AFF3: variants seen among roughly 807,000 people sequenced by gnomAD.
The protein encoded by AFF3 is ALF transcription elongation factor 3, also known as AF4/FMR2 family member 3.
In AFF3, 32 loss-of-function variants were observed where a neutral mutation model predicts 129.7. That is an observed-to-expected ratio of 0.25 (90% CI 0.19 to 0.33). The LOEUF (loss-of-function observed/expected upper bound fraction) is 0.33. Ranked by LOEUF, AFF3 falls within the 10% of genes least tolerant of loss-of-function variation. AFF3 has a pLI of 1.00. For synonymous variants in AFF3, 644 were observed against 635.4 expected, an observed-to-expected ratio of 1.01 and a Z score of -0.20; for missense variants, 1,373 against 1,592.0, an observed-to-expected ratio of 0.86 and a Z score of 2.34.
chr2:99,994,097 C>T (rs1261258864), intron 7 of AFF3, among the ~76,000 whole-genome samples: 3 of 151,474 alleles, frequency 2.0e-5, no homozygotes, highest in Non-Finnish European at 4.4e-5. Flanking sequence ...TGAGCCACTG[C>T]TCCCAGCCAA....
At chr2:99,552,524 A>G (rs1674504290) in intron 24 of AFF3, among the ~76,000 whole-genome samples, 1 of 152,208 alleles carries the variant, frequency 6.6e-6, no homozygotes, top group Admixed American at 6.5e-5. Context: ...AGGAAAACAC[A>G]TTCATATGGC....
rs1674307327 is a variant in AFF3 at position 99,550,166 on chromosome 2, A to T, written c.*1308T>A. ...ACAAAAACTGTAAACAAGATGTCAA[A>T]GAAACTAAAATGTAAACTTAATTAA... On this transcript the variant is annotated 3_prime_UTR_variant, in exon 25 of 25. Coordinates refer to ENST00000672756, the MANE Select transcript of AFF3 (RefSeq NM_001386135.1). The T allele has an allele frequency of 4.4e-6, 1 of 229,346 alleles. No homozygotes were observed. The highest frequency in any genetic ancestry group is 1.8e-4 in the South Asian group (1 of 5,482). The allele number at this position is 229,346 out of a possible 1,614,324, so 14.2% of individuals were successfully genotyped here.
At chr2:99,838,860 C>T (rs564194074) in intron 7 of AFF3, among the ~76,000 whole-genome samples, 1 of 152,358 alleles carries the variant, frequency 6.6e-6, no homozygotes, top group African/African-American at 2.4e-5. Flanking sequence ...TTCCATCACA[C>T]TCTCCATGCC....
chr2:100,142,041 A>G (rs563922659), intron 1 of AFF3, among the ~76,000 whole-genome samples: 2 of 152,150 alleles, frequency 1.3e-5, no homozygotes, highest in Non-Finnish European at 2.9e-5. Flanking sequence ...CACTGGGGCC[A>G]TTGACTGGGA....
At chr2:99,950,408 G>A (rs924942745) in intron 7 of AFF3, among the ~76,000 whole-genome samples, 39 of 152,150 alleles carry the variant, frequency 2.6e-4, no homozygotes, top group African/African-American at 9.2e-4. Context: ...TCTAGGAGAG[G>A]AAGAATAAAA....
chr2:99,665,639 T>C (rs1686608490), intron 12 of AFF3, among the ~76,000 whole-genome samples: 1 of 152,228 alleles, frequency 6.6e-6, no homozygotes, highest in Non-Finnish European at 1.5e-5. Context: ...AAGAGAGTTC[T>C]GAGCTGGGGA....
At chr2:99,668,242 G>C (rs1015348982) in intron 12 of AFF3, among the ~76,000 whole-genome samples, 1 of 151,936 alleles carries the variant, frequency 6.6e-6, no homozygotes, top group African/African-American at 2.4e-5. Flanking sequence ...CTTGATCATA[G>C]CTCACGGCAA....
chr2:99,867,361 G>C (rs1032093086), intron 7 of AFF3, among the ~76,000 whole-genome samples: 1 of 152,104 alleles, frequency 6.6e-6, no homozygotes, highest in East Asian at 1.9e-4. Flanking sequence ...CAGTGGGTTT[G>C]AGATAAGGCG....
chr2:99,740,342 T>A (rs1262378338), intron 10 of AFF3, among the ~76,000 whole-genome samples: 3 of 151,584 alleles, frequency 2.0e-5, no homozygotes, highest in East Asian at 1.9e-4. Context: ...ATGGGATGGC[T>A]GCGTCAAATG....
At chr2:99,854,517 T>C (rs975239891) in intron 7 of AFF3, among the ~76,000 whole-genome samples, 8 of 152,230 alleles carry the variant, frequency 5.3e-5, no homozygotes, top group African/African-American at 1.2e-4. Flanking sequence ...ATCAGTGTGA[T>C]AAGCAGTTGT....
intron 7 of AFF3, among the ~76,000 whole-genome samples, chr2:99,868,894 G>C (rs1691644300): frequency 6.6e-6 from 1 of 152,164 alleles, no homozygotes; most frequent in South Asian, 2.1e-4. Context: ...GTGGGCTCAA[G>C]CGATCCTCTG....
Position 99,565,573 on chromosome 2 carries a change from A to G in AFF3, c.3033T>C (p.Phe1011=). The change falls in exon 20 of 25, where the codon TTT becomes TTC. Residue 1011 remains phenylalanine (F), a synonymous_variant. Coordinates refer to ENST00000672756, the MANE Select transcript of AFF3 (RefSeq NM_001386135.1). ...GTTCCATTGCATTTCCACACTCGAT[A>G]AACGACAATGCTGCTTCAGCATAGT... is the stretch of plus-strand genomic sequence containing the variant. ...ALNYAEAALS[F]IECGNAMEQG... 1 of 1,614,238 alleles carries G rather than the reference A, an allele frequency of 6.2e-7. No homozygotes were observed. Among genetic ancestry groups the G allele is most frequent in the Non-Finnish European group, 8.5e-7 (1 of 1,180,040 alleles).
At chr2:99,615,103 G>A (rs916764238) in intron 13 of AFF3, among the ~76,000 whole-genome samples, 16 of 152,230 alleles carry the variant, frequency 1.1e-4, no homozygotes, top group African/African-American at 3.9e-4. Context: ...TTTGAATGGG[G>A]CAGAGCCCTC....
intron 24 of AFF3, among the ~76,000 whole-genome samples, chr2:99,552,259 G>A (rs982473356): frequency 6.6e-5 from 10 of 151,992 alleles, no homozygotes; most frequent in African/African-American, 2.2e-4. Flanking sequence ...GTGTGGTGGC[G>A]CACACCTGTA....
chr2:100,081,727 A>T (rs1689065298), intron 4 of AFF3, among the ~76,000 whole-genome samples: 1 of 152,186 alleles, frequency 6.6e-6, no homozygotes, highest in African/African-American at 2.4e-5. Flanking sequence ...TGATTTATTG[A>T]GGGTTGAGTG....
chr2:100,106,836 A>G (rs1691325826), intron 2 of AFF3: 25 of 985,358 alleles, frequency 2.5e-5, no homozygotes, highest in Non-Finnish European at 2.9e-5. Flanking sequence ...TGCCCTCACC[A>G]TGGAGGCTGA....
rs530328759 is a variant in AFF3, at chr2:100,011,984, C to A, written c.54-3052G>T. ...CCCAACCCCTTTAAGCTGAAGGATA[C>A]CCCAAAGCACTCCAAGATGCTTTAT... On this transcript the variant is annotated intron_variant, in intron 4 of 24. Coordinates refer to ENST00000672756, the MANE Select transcript of AFF3 (RefSeq NM_001386135.1). Among the ~76,000 whole-genome samples, 24 of 152,142 alleles carry A rather than the reference C, an allele frequency of 1.6e-4. No homozygotes were observed. In the South Asian group the frequency reaches 4.8e-3, roughly 30 times the overall value.
chr2:99,804,064 AAAAC>A (rs1190749488), intron 8 of AFF3, among the ~76,000 whole-genome samples: 2 of 152,228 alleles, frequency 1.3e-5, no homozygotes, highest in East Asian at 1.9e-4. Context: ...AAATGTAACA[AAAAC>A]AAACAAACAA....
intron 16 of AFF3, among the ~76,000 whole-genome samples, chr2:99,585,876 G>A (rs769565630): frequency 6.6e-6 from 1 of 152,032 alleles, no homozygotes; most frequent in Non-Finnish European, 1.5e-5. Context: ...CTACAGGAGT[G>A]TGCCACCACA....
Sources: allele counts gnomAD v4.1 joint callset (sites outside exome capture counted in the v4.1 genomes callset), GRCh38; gene constraint gnomAD v4.1.1; transcripts MANE v1.5; gene names NCBI Gene and HGNC (gene_info 2026-07-23, HGNC 2026-07-21).